Variants in HNRNPL observed in about 807,000 individuals in gnomAD.
HNRNPL encodes epididymis secretory sperm binding protein.
In HNRNPL, 12 loss-of-function variants were observed where a neutral mutation model predicts 64.0. The observed-to-expected ratio is 0.19, with a 90% CI of 0.12 to 0.30. The LOEUF (loss-of-function observed/expected upper bound fraction) is 0.30, where lower values mean the gene tolerates loss of function less well. Ranked by LOEUF, HNRNPL falls within the 10% of genes least tolerant of loss-of-function variation. HNRNPL has a pLI of 1.00. For missense variants in HNRNPL, 484 were observed against 797.4 expected, an observed-to-expected ratio of 0.61 and a Z score of 4.73; for synonymous variants, 385 against 313.0, an observed-to-expected ratio of 1.23 and a Z score of -2.43.
Position 38,845,958 on chromosome 19 carries a change from G to A in HNRNPL, c.519C>T (p.Tyr173=), listed in dbSNP as rs764133632. ...GGCGGGAGATCTTCTGGCTGGTAGA[G>A]TAGTTGACAAAAGCTGGGTGACCAG... ...YIAGHPAFVN[Y]STSQKISRPG... Residue 173 remains tyrosine (Y), a synonymous_variant, in exon 3 of 13, where the codon TAC becomes TAT. Transcript: ENST00000221419. 2.5e-6 allele frequency: 4 copies of A among 1,614,190 alleles called. No individual in the cohort carries two copies. In the South Asian group the frequency reaches 3.3e-5, roughly 13 times the overall value.
In HNRNPL at chr19:38,840,475, C is replaced by T; in HGVS notation, c.952+13G>A. 1.9e-6 allele frequency: 3 copies of T among 1,587,188 alleles called. No individual in the cohort carries two copies. Among genetic ancestry groups the T allele is most frequent in the Admixed American group, 1.8e-5 (1 of 54,126 alleles). ...GCCACGGGAGTCCACGGAGGGGAACCCCCTGCCCTCACCATATTCTGCGGG... is the reference window on the plus strand; with the variant it reads ...GCCACGGGAGTCCACGGAGGGGAACTCCCTGCCCTCACCATATTCTGCGGG... On this transcript the variant is annotated intron_variant, in intron 7 of 12. Transcript: ENST00000221419.
chr19:38,837,580 C>T lies in HNRNPL; in HGVS notation c.1615+14G>A, dbSNP rs758698592. On this transcript the variant is annotated intron_variant, in intron 11 of 12. Transcript: ENST00000221419. ...CATGCAATTAGGGCAAGGAGGTGGG[C>T]ACACTCGACTCACTTTTGCCTGAGA... The T allele has an allele frequency of 1.2e-6, 2 of 1,614,030 alleles. No homozygotes were observed. Among genetic ancestry groups the T allele is most frequent in the Admixed American group, 3.3e-5 (2 of 60,034 alleles).
In HNRNPL at chr19:38,837,493, A is replaced by C. The variant is rs748820618; in HGVS notation, c.1616-14T>G. ...AGCTGCGCTCACCTGATTGCAAACC[A>C]AGGGGAAAAGTAAAGGTTTTAGACT... On this transcript the variant is annotated splice_polypyrimidine_tract_variant and intron_variant, in intron 11 of 12. Transcript: ENST00000221419. The C allele has an allele frequency of 6.1e-5, 99 of 1,613,964 alleles. No individual in the cohort carries two copies. The highest frequency in any genetic ancestry group is 8.3e-5 in the Admixed American group (5 of 60,026).
chr19:38,844,291 T>C (rs988347710), intron 4 of HNRNPL, among the ~76,000 whole-genome samples, 187 bp from the exon 5 acceptor site: 1 of 152,204 alleles, frequency 6.6e-6, no homozygotes, highest in African/African-American at 2.4e-5. Flanking sequence ...GACTCAACGC[T>C]GCCCCGGGTG....
At chr19:38,848,967 G>T (rs1353219542) in intron 1 of HNRNPL, among the ~76,000 whole-genome samples, 1 of 152,110 alleles carries the variant, frequency 6.6e-6, no homozygotes, top group East Asian at 1.9e-4. Flanking sequence ...CACTCCAAAA[G>T]CAACGACTGG....
In HNRNPL at chr19:38,845,569, A is replaced by G. The variant is rs546810006; in HGVS notation, c.710+81T>C. On this transcript the variant is annotated intron_variant, in intron 4 of 12. Transcript: ENST00000221419. ...AGCCACTCCCGTGGTCAGCAGACAC[A>G]TGCTGGCTCAAAGAATGGCCACTGT... 2.7e-5 allele frequency: 31 copies of G among 1,145,774 alleles called. No homozygotes were observed. In the African/African-American group the frequency reaches 3.9e-4, roughly 15 times the overall value. The allele number at this position is 1,145,774 out of a possible 1,614,324, so 71.0% of individuals were successfully genotyped here. A position where few individuals can be genotyped will look rare whatever the true frequency, so the allele number is the denominator to read the frequency against.
chr19:38,840,741 G>A, intron 6 of HNRNPL, 182 bp from the exon 7 acceptor site: 1 of 617,616 alleles, frequency 1.6e-6, no homozygotes, highest in Non-Finnish European at 2.8e-6. Context: ...GAGCCTCAAA[G>A]CTGGTGCCCA....
chr19:38,838,711 C>T, intron 9 of HNRNPL, 113 bp from the exon 10 acceptor site: 2 of 1,315,526 alleles, frequency 1.5e-6, no homozygotes, highest in Admixed American at 1.8e-5. Flanking sequence ...CATTGCTCTA[C>T]ACCTGAGGCA....
chr19:38,836,813 G>A lies in HNRNPL; in HGVS notation c.1712-33C>T, dbSNP rs369555245. ...GGAGAGACAAGTTTGGTTGGTTCCC[G>A]TCTTTGGAGGCTCCCCAAACCCAGG... On this transcript the variant is annotated intron_variant, in intron 12 of 12. Transcript: ENST00000221419. 3.9e-5 allele frequency: 61 copies of A among 1,546,774 alleles called. No individual in the cohort carries two copies. In the Middle Eastern group the frequency reaches 8.5e-4, roughly 21 times the overall value.
chr19:38,843,781 G>A, intron 6 of HNRNPL, 61 bp downstream of exon 6: 1 of 1,367,868 alleles, frequency 7.3e-7, no homozygotes, highest in Non-Finnish European at 1.0e-6. Context: ...GGCCTATTAA[G>A]TGCACTAGTC....
intron 2 of HNRNPL, among the ~76,000 whole-genome samples, chr19:38,846,801 G>A (rs1322339559): frequency 4.6e-5 from 7 of 152,116 alleles, no homozygotes; most frequent in Admixed American, 1.3e-4. Flanking sequence ...CCAGCTACTC[G>A]GGAGGCTGAG....
In HNRNPL at chr19:38,843,930, A is replaced by G. The variant is rs1411862222; in HGVS notation, c.808-16T>C. The G allele has an allele frequency of 6.2e-7, 1 of 1,613,918 alleles. No individual in the cohort carries two copies. Among genetic ancestry groups the G allele is most frequent in the Admixed American group, 1.7e-5 (1 of 60,026 alleles). ...AGCGTGTAGGCTGCAAGGACAGGACAAGACAAGACTTGAGGTCAGCCATGC... is the reference window on the plus strand; with the variant it reads ...AGCGTGTAGGCTGCAAGGACAGGACGAGACAAGACTTGAGGTCAGCCATGC... On this transcript the variant is annotated splice_polypyrimidine_tract_variant and intron_variant, in intron 5 of 12. Coordinates refer to ENST00000221419, the MANE Select transcript of HNRNPL (RefSeq NM_001533.3).
At chr19:38,839,193 G>A (rs1183320363) in intron 8 of HNRNPL, 178 bp from the exon 9 acceptor site, 1 of 672,626 alleles carries the variant, frequency 1.5e-6, no homozygotes, top group Non-Finnish European at 2.5e-6. Context: ...GTGAGAAGCA[G>A]AGCCTGGGCC....
intron 6 of HNRNPL, chr19:38,841,069 C>G (rs1005004272): frequency 1.1e-5 from 2 of 189,746 alleles, no homozygotes; most frequent in African/African-American, 2.4e-5. Context: ...CCCAGTCCCC[C>G]CTCCCTCCCA....
Position 38,849,919 on chromosome 19 carries a change from C to A in HNRNPL, c.48G>T (p.Leu16=), listed in dbSNP as rs750527640. The change falls in exon 1 of 13, where the codon CTG becomes CTT. Residue 16 remains leucine (L), a synonymous_variant. Coordinates refer to ENST00000221419, the MANE Select transcript of HNRNPL (RefSeq NM_001533.3). The part of the protein sequence containing the change: ...LPRAEKRRRR[L]EQRQQPDEQR... The stretch of plus-strand genomic sequence containing the variant: ...GCTCGTCCGGCTGCTGCCTCTGCTC[C>A]AGCCGCCGACGCCGCTTCTCCGCCC... 7.5e-7 allele frequency: 1 copy of A among 1,324,532 alleles called. No homozygotes were observed. Among genetic ancestry groups the A allele is most frequent in the Admixed American group, 2.2e-5 (1 of 45,690 alleles). The allele number at this position is 1,324,532 out of a possible 1,614,324, so 82.0% of individuals were successfully genotyped here.
intron 1 of HNRNPL, among the ~76,000 whole-genome samples, chr19:38,848,096 T>C (rs933986023): frequency 2.9e-5 from 4 of 138,510 alleles, no homozygotes; most frequent in African/African-American, 1.4e-4. Flanking sequence ...GAAAAGTCTT[T>C]TATTTATTTT....
chr19:38,846,494 G>A lies in HNRNPL; in HGVS notation c.387-404C>T, dbSNP rs540594118. Reference sequence around the variant, plus strand: ...TGCTGAATGAAAGAACACTGGCCAGGAGCAGTAGTAGCTCATGCCTGTAAC... The same window carrying A: ...TGCTGAATGAAAGAACACTGGCCAGAAGCAGTAGTAGCTCATGCCTGTAAC... On this transcript the variant is annotated intron_variant, in intron 2 of 12. Transcript: ENST00000221419. Among the ~76,000 whole-genome samples, 7 of 152,284 alleles carry A rather than the reference G, an allele frequency of 4.6e-5. No individual in the cohort carries two copies. The South Asian group carries it at 1.2e-3, about 27-fold the overall frequency.
intron 8 of HNRNPL, among the ~76,000 whole-genome samples, chr19:38,839,822 T>C (rs1972049765): frequency 6.6e-6 from 1 of 152,268 alleles, no homozygotes. Context: ...GGATTCATTT[T>C]TATGTTTTAT....
upstream of HNRNPL, among the ~76,000 whole-genome samples, chr19:38,850,728 C>G (rs149462336): frequency 1.9e-3 from 290 of 152,338 alleles, 4 homozygotes; most frequent in Non-Finnish European, 3.1e-3. Flanking sequence ...CTGTCGCCAT[C>G]ACTATACCGT....
Sources: allele counts gnomAD v4.1 joint callset (sites outside exome capture counted in the v4.1 genomes callset), GRCh38; gene constraint gnomAD v4.1.1; transcripts MANE v1.5; gene names NCBI Gene and HGNC (gene_info 2026-07-23, HGNC 2026-07-21).